The following ARL13B variants were observed in gnomAD, a reference collection of about 807,000 sequenced individuals.
The protein encoded by ARL13B is ARF like GTPase 13B, also known as ADP-ribosylation factor-like protein 13B.
Under a neutral mutation model 56.1 loss-of-function variants are expected in ARL13B, and 36 were observed. The observed-to-expected ratio is 0.64, with a 90% confidence interval of 0.49 to 0.85. The LOEUF is 0.85. Ranked by LOEUF, ARL13B falls within the 40% of genes least tolerant of loss-of-function variation. The probability of loss-of-function intolerance (pLI) is 0.00; values close to 1 mark genes in which losing one functional copy is unlikely to be tolerated. For synonymous variants in ARL13B, 178 were observed against 171.1 expected (o/e 1.04, Z -0.32); for missense variants, 519 against 507.1 (o/e 1.02, Z -0.23).
chr3:94,017,490 T>A (rs1293715927), intron 3 of ARL13B, among the ~76,000 whole-genome samples: 1 of 152,144 alleles, frequency 6.6e-6, no homozygotes, highest in Non-Finnish European at 1.5e-5. Flanking sequence ...CTGTTTTGGG[T>A]AAAAGGTTAA....
At chr3:93,993,834 G>A (rs531740924) in intron 1 of ARL13B, among the ~76,000 whole-genome samples, 3 of 152,266 alleles carry the variant, frequency 2.0e-5, no homozygotes, top group Non-Finnish European at 2.9e-5. Context: ...ATGGATAGAG[G>A]TTCCTAGACC....
At chr3:94,039,127 A>G (rs528423065) in intron 5 of ARL13B, among the ~76,000 whole-genome samples, 1 of 152,332 alleles carries the variant, frequency 6.6e-6, no homozygotes, top group East Asian at 1.9e-4. Flanking sequence ...TGCAGAAATA[A>G]AAACATAGGT....
At chr3:94,006,892 TG>T (rs1056553357) in intron 3 of ARL13B, among the ~76,000 whole-genome samples, 4 of 152,084 alleles carry the variant, frequency 2.6e-5, no homozygotes, top group African/African-American at 9.7e-5. Context: ...GTAGAAAAGA[TG>T]TTCAGCAGAA....
intron 3 of ARL13B, among the ~76,000 whole-genome samples, chr3:94,016,319 A>G (rs925391847): frequency 1.3e-5 from 2 of 152,138 alleles, no homozygotes. Context: ...TCTGAATGTG[A>G]TGCTGTTATG....
At chr3:93,997,135 T>C (rs2075981755) in intron 2 of ARL13B, among the ~76,000 whole-genome samples, 1 of 152,040 alleles carries the variant, frequency 6.6e-6, no homozygotes, top group African/African-American at 2.4e-5. Flanking sequence ...TTGTACATTA[T>C]GGTGAGTTGT....
At chr3:94,005,503 A>C (rs190061745) in intron 3 of ARL13B, among the ~76,000 whole-genome samples, 2 of 152,346 alleles carry the variant, frequency 1.3e-5, no homozygotes, top group East Asian at 3.9e-4. Flanking sequence ...CTGAGTAATC[A>C]AATAACAGCA....
At chr3:94,015,861 G>C (rs1015897963) in intron 3 of ARL13B, among the ~76,000 whole-genome samples, 1 of 152,090 alleles carries the variant, frequency 6.6e-6, no homozygotes, top group African/African-American at 2.4e-5. Flanking sequence ...GTTTTTTCTA[G>C]CTGTTGCATA....
intron 3 of ARL13B, chr3:94,015,268 A>G (rs768504265): frequency 5.2e-6 from 8 of 1,534,006 alleles, no homozygotes; most frequent in Non-Finnish European, 5.2e-6. Context: ...TCGGTCTTTC[A>G]TCTTCCCTTT....
intron 7 of ARL13B, 147 bp downstream of exon 7, chr3:94,043,387 G>A: frequency 1.3e-6 from 1 of 777,846 alleles, no homozygotes; most frequent in Middle Eastern, 3.9e-4. Context: ...ATTTTCTCAA[G>A]GTCTTTTATT....
intron 9 of ARL13B, among the ~76,000 whole-genome samples, chr3:94,051,795 C>T (rs111582241): frequency 7.2e-4 from 109 of 152,090 alleles, no homozygotes; most frequent in African/African-American, 2.6e-3. Context: ...TTATATCAAA[C>T]CAGTTTAAAT....
rs560754440 is a variant in ARL13B at position 94,045,544 on chromosome 3, A to G, written c.1024+2304A>G. Among the ~76,000 whole-genome samples the G allele has an allele frequency of 3.3e-5, 5 of 152,242 alleles. No homozygotes were observed. In the East Asian group the frequency reaches 9.6e-4, roughly 29 times the overall value. On this transcript the variant is annotated intron_variant, in intron 7 of 9. Transcript: ENST00000394222. ...AAGGCAATTCCAAACAAATCCCAGC[A>G]TGAGTCTTTGTAGATATAGGCAAGT...
intron 3 of ARL13B, among the ~76,000 whole-genome samples, chr3:94,009,959 A>AG (rs2076196866): frequency 6.6e-6 from 1 of 151,916 alleles, no homozygotes; most frequent in Non-Finnish European, 1.5e-5. Context: ...ACAGAAAAAA[A>AG]CTCTTTGGCA....
intron 3 of ARL13B, among the ~76,000 whole-genome samples, chr3:94,029,220 C>T (rs1260102481): frequency 2.1e-5 from 3 of 143,864 alleles, no homozygotes; most frequent in African/African-American, 7.6e-5. Context: ...TCTTGTACTA[C>T]CAAATTTCAG....
chr3:94,046,570 C>G (rs971489978), intron 7 of ARL13B, among the ~76,000 whole-genome samples: 12 of 151,992 alleles, frequency 7.9e-5, no homozygotes, highest in Admixed American at 7.9e-4. Flanking sequence ...CTTTGCTTAT[C>G]TAGTCACTTG....
intron 5 of ARL13B, among the ~76,000 whole-genome samples, chr3:94,037,288 C>A (rs1287066583): frequency 6.6e-6 from 1 of 152,196 alleles, no homozygotes; most frequent in Non-Finnish European, 1.5e-5. Context: ...GCTAGAGAAT[C>A]ATTCAACTCA....
At chr3:94,029,640 C>A (rs1024261867) in intron 3 of ARL13B, among the ~76,000 whole-genome samples, 4 of 151,938 alleles carry the variant, frequency 2.6e-5, no homozygotes, top group Non-Finnish European at 5.9e-5. Flanking sequence ...CATGCCCGGC[C>A]AATCACATTT....
chr3:94,003,528 T>C (rs1329028338), intron 2 of ARL13B, 131 bp from the exon 3 acceptor site: 3 of 1,018,624 alleles, frequency 2.9e-6, no homozygotes, highest in Non-Finnish European at 4.3e-6. Context: ...CAAACCAGTA[T>C]GCTTCAAAAT....
chr3:93,995,109 G>C (rs938356963), intron 1 of ARL13B, among the ~76,000 whole-genome samples: 2 of 152,146 alleles, frequency 1.3e-5, no homozygotes, highest in African/African-American at 2.4e-5. Context: ...GAAAAGAAAT[G>C]ACTATATAGT....
chr3:94,027,129 A>G (rs1576008779), intron 3 of ARL13B, among the ~76,000 whole-genome samples: 3 of 152,098 alleles, frequency 2.0e-5, no homozygotes. Flanking sequence ...AAACATTTCA[A>G]GAAATATGAC....
Sources: gnomAD v4.1 joint callset for allele counts (sites outside exome capture counted in the v4.1 genomes callset) on GRCh38, gnomAD v4.1.1 for gene constraint, MANE v1.5 for transcripts, NCBI Gene and HGNC (gene_info 2026-07-23, HGNC 2026-07-21) for gene names.